NPIPA5: variants seen among roughly 807,000 people sequenced by gnomAD.
NPIPA5 encodes nuclear pore complex interacting protein family member A5.
Under a neutral mutation model 21.4 loss-of-function variants are expected in NPIPA5, and 6 were observed. That is an observed-to-expected ratio of 0.28 (90% CI 0.15 to 0.55). The LOEUF (loss-of-function observed/expected upper bound fraction) is 0.55, where lower values mean the gene tolerates loss of function less well. Ranked by LOEUF, NPIPA5 falls within the 20% of genes least tolerant of loss-of-function variation. NPIPA5 has a pLI of 0.93. For synonymous variants in NPIPA5, 33 were observed against 115.3 expected (o/e 0.29, Z 4.57); for missense variants, 99 against 318.2 (o/e 0.31, Z 5.24).
chr16:15,367,221 G>A (rs2049999848), intron 4 of NPIPA5, among the ~76,000 whole-genome samples: 2 of 152,132 alleles, frequency 1.3e-5, no homozygotes, highest in South Asian at 2.1e-4. Flanking sequence ...GTCAGAGGCT[G>A]ATGCCGGAAC....
upstream of NPIPA5, chr16:15,381,090 T>C (rs2050426208): frequency 6.5e-7 from 1 of 1,539,420 alleles, no homozygotes; most frequent in East Asian, 2.4e-5. Flanking sequence ...GCCAACCTAT[T>C]AGACAATTTT....
chr16:15,368,112 T>A (rs1406764487), intron 4 of NPIPA5, among the ~76,000 whole-genome samples: 1 of 121,244 alleles, frequency 8.2e-6, no homozygotes, highest in Non-Finnish European at 1.7e-5. Context: ...TTTCCCTGAG[T>A]TTCATTGCTG....
upstream of NPIPA5, chr16:15,380,891 C>G (rs1382354681): frequency 1.0e-6 from 1 of 966,982 alleles, no homozygotes; most frequent in East Asian, 2.7e-5. Flanking sequence ...GGGAACTGCT[C>G]AAGGGCACCA....
upstream of NPIPA5, among the ~76,000 whole-genome samples, chr16:15,379,659 T>C (rs1386734855): frequency 6.7e-6 from 1 of 150,132 alleles, no homozygotes; most frequent in Non-Finnish European, 1.5e-5. Flanking sequence ...GTTCCAGCCC[T>C]AGATTTGGCT....
Position 15,369,157 on chromosome 16 carries a change from T to A in NPIPA5, c.437+555A>T, listed in dbSNP as rs1182108353. On this transcript the variant is annotated intron_variant, in intron 4 of 7. Coordinates refer to ENST00000360151, the MANE Select transcript of NPIPA5 (RefSeq NM_001277325.2). ...ACAGAGCGAGACTCTATCTCAAAATTAAAAAAAAAAAAAAAAGCCTGGGTG... is the reference window on the plus strand; with the variant it reads ...ACAGAGCGAGACTCTATCTCAAAATAAAAAAAAAAAAAAAAAGCCTGGGTG... Among the ~76,000 whole-genome samples the A allele has an allele frequency of 8.3e-3, 1,033 of 124,932 alleles. 9 individuals are homozygous for A. Among genetic ancestry groups the A allele is most frequent in the African/African-American group, 0.028 (941 of 33,642 alleles). The allele number at this position is 124,932 out of a possible 152,430, so 82.0% of individuals were successfully genotyped here. A position where few individuals can be genotyped will look rare whatever the true frequency, so the allele number is the denominator to read the frequency against.
chr16:15,380,305 C>T (rs927348361), upstream of NPIPA5, among the ~76,000 whole-genome samples: 25 of 150,718 alleles, frequency 1.7e-4, no homozygotes, highest in Admixed American at 1.7e-3. Flanking sequence ...ATTTGAATTT[C>T]CTTTTCAAAT....
At position 15,363,921 on chromosome 16, in the gene NPIPA5, T is replaced by C; in HGVS notation, c.791A>G (p.Lys264Arg). The C allele has an allele frequency of 6.2e-7, 1 of 1,602,990 alleles. No homozygotes were observed. Among genetic ancestry groups the C allele is most frequent in the African/African-American group, 1.3e-5 (1 of 74,762 alleles). ...HSIIDNSLSL[K>R]TPSERLLYPL... ...ATAGAGCAGACGCTCGGAAGGTGTC[T>C]TGAGGCTCAGGGAGTTATCAATTAT... is the stretch of plus-strand genomic sequence containing the variant. Residue 264 changes from lysine to arginine, a missense_variant, in exon 8 of 8, where the codon AAG becomes AGG. By Grantham distance (26) the Lys-to-Arg change is conservative (BLOSUM62 2). This residue lies in a region of NPIPA5 where 75 missense variants were observed against 138.5 expected (regional missense o/e 0.54). Coordinates refer to ENST00000360151, the MANE Select transcript of NPIPA5 (RefSeq NM_001277325.2).
At chr16:15,376,039 G>A (rs2050282555) in intron 1 of NPIPA5, among the ~76,000 whole-genome samples, 1 of 151,672 alleles carries the variant, frequency 6.6e-6, no homozygotes, top group Admixed American at 6.6e-5. Flanking sequence ...AAATGGAAAT[G>A]ATGGAGTTAG....
At chr16:15,372,433 C>T (rs1475204347) in intron 2 of NPIPA5, among the ~76,000 whole-genome samples, 7 of 143,896 alleles carry the variant, frequency 4.9e-5, no homozygotes, top group Non-Finnish European at 7.6e-5. Context: ...TGCAGTGAGC[C>T]GAGATCACAC....
In NPIPA5 at chr16:15,366,839, G is replaced by A. The variant is rs2049988722; in HGVS notation, c.438-79C>T. 2.2e-5 allele frequency: 33 copies of A among 1,520,230 alleles called. 1 individual carries two copies. The highest frequency in any genetic ancestry group is 2.9e-5 in the Non-Finnish European group (33 of 1,142,824). The allele number at this position is 1,520,230 out of a possible 1,614,324, so 94.2% of individuals were successfully genotyped here. ...TCTGCCCTTCTGGCATCTGAAGGCTGTGATTCAAAGATCCCCCCTGCAACC... is the reference window on the plus strand; with the variant it reads ...TCTGCCCTTCTGGCATCTGAAGGCTATGATTCAAAGATCCCCCCTGCAACC... On this transcript the variant is annotated intron_variant, in intron 4 of 7. Coordinates refer to ENST00000360151, the MANE Select transcript of NPIPA5 (RefSeq NM_001277325.2).
intron 4 of NPIPA5, 138 bp from the exon 5 acceptor site, chr16:15,366,898 G>T: frequency 6.6e-7 from 1 of 1,510,740 alleles, no homozygotes. Flanking sequence ...TCTCACAACC[G>T]AAGGGAGAAT....
At chr16:15,369,132 A>C (rs2050072559) in intron 4 of NPIPA5, among the ~76,000 whole-genome samples, 1 of 148,768 alleles carries the variant, frequency 6.7e-6, no homozygotes, top group Non-Finnish European at 1.5e-5. Context: ...AGCCTGGGCG[A>C]CAGAGCGAGA....
At chr16:15,367,005 C>T (rs1486392036) in intron 4 of NPIPA5, among the ~76,000 whole-genome samples, 4 of 151,990 alleles carry the variant, frequency 2.6e-5, no homozygotes, top group Non-Finnish European at 5.9e-5. Flanking sequence ...CATAGTTAGT[C>T]CTATTCTTTA....
At chr16:15,381,156 G>A, upstream of NPIPA5, 1 of 806,968 alleles carries the variant, frequency 1.2e-6, no homozygotes, top group South Asian at 1.8e-5. Flanking sequence ...GTCTATAGTG[G>A]TCAAGGGCTT....
chr16:15,369,447 C>T (rs2050085545), intron 4 of NPIPA5, among the ~76,000 whole-genome samples: 1 of 147,344 alleles, frequency 6.8e-6, no homozygotes, highest in Non-Finnish European at 1.5e-5. Context: ...AGCTCCGTCT[C>T]AGGAAAAAAA....
chr16:15,379,333 G>A (rs2150890708), upstream of NPIPA5, among the ~76,000 whole-genome samples: 1 of 152,206 alleles, frequency 6.6e-6, no homozygotes, highest in East Asian at 1.9e-4. Context: ...ACTTTGGGAG[G>A]CCGAGGTGGG....
chr16:15,370,964 T>C (rs1417075304), intron 2 of NPIPA5, among the ~76,000 whole-genome samples: 1 of 127,660 alleles, frequency 7.8e-6, no homozygotes, highest in East Asian at 2.4e-4. Context: ...GGAGAACTGC[T>C]TGAACCCAAG....
upstream of NPIPA5, among the ~76,000 whole-genome samples, chr16:15,379,553 C>A (rs2050387352): frequency 6.6e-6 from 1 of 150,712 alleles, no homozygotes; most frequent in Non-Finnish European, 1.5e-5. Context: ...GGCGACAGAG[C>A]GAGACTCTGT....
intron 2 of NPIPA5, among the ~76,000 whole-genome samples, chr16:15,372,255 G>T (rs2050176792): frequency 6.8e-6 from 1 of 147,154 alleles, no homozygotes; most frequent in Non-Finnish European, 1.5e-5. Context: ...GGAGGCTGAG[G>T]CGGGTGGATC....
Sources: gnomAD v4.1 joint callset for allele counts (sites outside exome capture counted in the v4.1 genomes callset) on GRCh38, gnomAD v4.1.1 for gene constraint, gnomAD v4.1.1 regional missense constraint, MANE v1.5 for transcripts, NCBI Gene and HGNC (gene_info 2026-07-23, HGNC 2026-07-21) for gene names.